Variants in TCTN2 observed in about 807,000 individuals in gnomAD.
TCTN2 encodes the protein tectonic family member 2.
Under a neutral mutation model 83.4 loss-of-function variants are expected in TCTN2, and 66 were observed. That is an observed-to-expected ratio of 0.79 (90% confidence interval 0.65 to 0.97). TCTN2 has a LOEUF of 0.97. TCTN2 is among the 50% of genes least tolerant of loss of function. TCTN2 has a pLI of 0.00. For synonymous variants in TCTN2, 301 were observed against 326.7 expected (o/e 0.92, Z 0.85); for missense variants, 794 against 858.1 (o/e 0.93, Z 0.93).
At chr12:123,702,678 G>C (rs1487224532) in intron 14 of TCTN2, among the ~76,000 whole-genome samples, 2 of 152,244 alleles carry the variant, frequency 1.3e-5, no homozygotes, top group African/African-American at 2.4e-5. Flanking sequence ...AGGCCAGCTA[G>C]ATAGGCTGTG....
Position 123,704,093 on chromosome 12 carries a change from G to A in TCTN2, c.1613-439G>A, listed in dbSNP as rs531830595. Among the ~76,000 whole-genome samples, 6 of 144,230 alleles carry A rather than the reference G, an allele frequency of 4.2e-5. No individual in the cohort carries two copies. In the East Asian group the frequency reaches 6.3e-4, roughly 15 times the overall value. The allele number at this position is 144,230 out of a possible 152,430, so 94.6% of individuals were successfully genotyped here. ...GTGATCTTGGCTCACGGCAAGCTCC[G>A]CCTCCCAGGTTCACGCCATTCTCCT... On this transcript the variant is annotated intron_variant, in intron 14 of 17. Transcript: ENST00000303372.
At chr12:123,696,237 TTC>T in intron 11 of TCTN2, 176 bp from the exon 12 acceptor site, 1 of 630,806 alleles carries the variant, frequency 1.6e-6, no homozygotes, top group African/African-American at 1.9e-5. Flanking sequence ...GAAGCATTCT[TTC>T]TCTTTAGCTA....
At chr12:123,705,732 C>T (rs1566264810) in intron 15 of TCTN2, among the ~76,000 whole-genome samples, 2 of 151,122 alleles carry the variant, frequency 1.3e-5, no homozygotes, top group Admixed American at 6.6e-5. Context: ...GAGAAAGCCC[C>T]TTTCCTCCTC....
intron 14 of TCTN2, chr12:123,700,282 A>G (rs56176939): frequency 0.48 from 137,879 of 288,340 alleles, 35,682 homozygotes; most frequent in African/African-American, 0.72. Flanking sequence ...AACCCCAACC[A>G]TGTTGGGATT....
chr12:123,679,251 A>G lies in TCTN2; in HGVS notation c.526A>G (p.Thr176Ala), dbSNP rs1003517391. The G allele has an allele frequency of 1.9e-6, 3 of 1,613,920 alleles. No homozygotes were observed. The highest frequency in any genetic ancestry group is 2.5e-6 in the Non-Finnish European group (3 of 1,179,954). ...CCTTGGCCCTTGTCCTTGTAATTTA[A>G]CAGCTGGAGCCTGTGATGTTCGCTG... The part of the protein sequence containing the change: ...QPLGPCPCNL[T>A]AGACDVRCCC... The change falls in exon 5 of 18, where the codon ACA (threonine) becomes GCA (alanine). Residue 176 changes from threonine (T) to alanine (A), a missense_variant. Thr to Ala is a moderately conservative substitution (Grantham distance 58). Coordinates refer to ENST00000303372, the MANE Select transcript of TCTN2 (RefSeq NM_024809.5).
intron 10 of TCTN2, 111 bp downstream of exon 10, chr12:123,695,087 T>G: frequency 6.8e-7 from 1 of 1,480,686 alleles, no homozygotes; most frequent in Non-Finnish European, 9.4e-7. Flanking sequence ...TTGTTTCTTA[T>G]GTGCATTTAT....
At chr12:123,685,227 G>A (rs1436570843) in intron 5 of TCTN2, among the ~76,000 whole-genome samples, 1 of 151,936 alleles carries the variant, frequency 6.6e-6, no homozygotes, top group African/African-American at 2.4e-5. Flanking sequence ...TAGTATTCTG[G>A]ATCAGTGACA....
intron 14 of TCTN2, among the ~76,000 whole-genome samples, chr12:123,703,714 T>C (rs1377595026): frequency 6.6e-6 from 1 of 152,166 alleles, no homozygotes; most frequent in Non-Finnish European, 1.5e-5. Context: ...GGTCTCAAAC[T>C]CCTGGGCTCA....
chr12:123,696,276 C>T (rs1956107305), intron 11 of TCTN2, 139 bp from the exon 12 acceptor site: 1 of 715,620 alleles, frequency 1.4e-6, no homozygotes, highest in Non-Finnish European at 2.5e-6. Context: ...CCGAAGTTGC[C>T]ATCTTTCTCT....
At chr12:123,686,051 T>G (rs1955963007) in intron 5 of TCTN2, among the ~76,000 whole-genome samples, 1 of 151,780 alleles carries the variant, frequency 6.6e-6, no homozygotes, top group African/African-American at 2.4e-5. Context: ...ATTTATTTAT[T>G]TATTTATTTA....
intron 14 of TCTN2, among the ~76,000 whole-genome samples, chr12:123,701,868 G>A (rs532282117): frequency 7.2e-4 from 110 of 152,236 alleles, no homozygotes; most frequent in Admixed American, 1.4e-3. Context: ...CAAGTAGCTC[G>A]TACACAAAGG....
chr12:123,672,114 G>A lies in TCTN2; in HGVS notation c.249G>A (p.Val83=). ...ACAATGAGACGGAAGACTGGAGCGTGACTGTGATCCCCGGTGCGGTAAGGC... is the reference window on the plus strand; with the variant it reads ...ACAATGAGACGGAAGACTGGAGCGTAACTGTGATCCCCGGTGCGGTAAGGC... ...VLNNETEDWS[V]TVIPGAKVLE... Residue 83 remains valine, a synonymous_variant, in exon 3 of 18, where the codon GTG becomes GTA. Coordinates refer to ENST00000303372, the MANE Select transcript of TCTN2 (RefSeq NM_024809.5). 6.2e-7 allele frequency: 1 copy of A among 1,614,192 alleles called. No homozygotes were observed. The highest frequency in any genetic ancestry group is 8.5e-7 in the Non-Finnish European group (1 of 1,180,026).
At chr12:123,696,853 G>T (rs114141911) in intron 12 of TCTN2, 1 of 549,896 alleles carries the variant, frequency 1.8e-6, no homozygotes, top group Non-Finnish European at 3.2e-6. Flanking sequence ...TGGTAATTAC[G>T]CACACCTGCC....
At chr12:123,701,909 A>T (rs1287619351) in intron 14 of TCTN2, among the ~76,000 whole-genome samples, 1 of 152,216 alleles carries the variant, frequency 6.6e-6, no homozygotes, top group African/African-American at 2.4e-5. Flanking sequence ...ACATGGAATA[A>T]AGGTAAACCA....
intron 1 of TCTN2, 28 bp downstream of exon 1, chr12:123,671,350 T>C: frequency 1.2e-6 from 2 of 1,611,426 alleles, no homozygotes; most frequent in Non-Finnish European, 1.7e-6. Context: ...GTGACCTCGG[T>C]GGGCCGGGGC....
intron 7 of TCTN2, among the ~76,000 whole-genome samples, chr12:123,688,732 A>T (rs1956006906): frequency 1.3e-5 from 2 of 152,156 alleles, no homozygotes; most frequent in East Asian, 3.9e-4. Context: ...ATTTTCTATA[A>T]GTTTCCATGG....
chr12:123,672,056 G>C lies in TCTN2; in HGVS notation c.191G>C (p.Gly64Ala). 6.2e-7 allele frequency: 1 copy of C among 1,614,018 alleles called. No homozygotes were observed. Among genetic ancestry groups the C allele is most frequent in the East Asian group, 2.2e-5 (1 of 44,874 alleles). Reference sequence around the variant, plus strand: ...TTGCATGCTGGTCTTCTTTCTTTAGGAATATTGCCAATTCCGACGTGTGGA... The same window carrying C: ...TTGCATGCTGGTCTTCTTTCTTTAGCAATATTGCCAATTCCGACGTGTGGA... The part of the protein sequence containing the change: ...VSLAVLQDEA[G>A]ILPIPTCGVL... Residue 64 changes from glycine to alanine, a missense_variant and splice_region_variant, in exon 3 of 18, where the codon GGA becomes GCA. Physicochemically the swap from Gly to Ala is moderately conservative, Grantham distance 60. Transcript: ENST00000303372.
intron 13 of TCTN2, 61 bp from the exon 14 acceptor site, chr12:123,699,643 G>A: frequency 7.4e-7 from 1 of 1,359,336 alleles, no homozygotes; most frequent in Non-Finnish European, 1.1e-6. Context: ...ACATTCACTG[G>A]AAATGACTTT....
intron 5 of TCTN2, among the ~76,000 whole-genome samples, chr12:123,682,853 T>C (rs1955916215): frequency 6.6e-6 from 1 of 150,842 alleles, no homozygotes; most frequent in Non-Finnish European, 1.5e-5. Context: ...CCAATTTATC[T>C]CATTTTTTTC....
Sources: allele counts gnomAD v4.1 joint callset (sites outside exome capture counted in the v4.1 genomes callset), GRCh38; gene constraint gnomAD v4.1.1; transcripts MANE v1.5; gene names NCBI Gene and HGNC (gene_info 2026-07-23, HGNC 2026-07-21).